GPAT4: variants seen among roughly 807,000 people sequenced by gnomAD.
The protein encoded by GPAT4 is 1-AGP acyltransferase 6.
Under a neutral mutation model 58.0 loss-of-function variants are expected in GPAT4, and 17 were observed. The observed-to-expected ratio is 0.29, with a 90% CI of 0.20 to 0.44. The LOEUF is 0.44. Ranked by LOEUF, GPAT4 falls within the 20% of genes least tolerant of loss-of-function variation. The pLI, the probability that GPAT4 is intolerant of heterozygous loss-of-function variation, is 1.00. For synonymous variants in GPAT4, 204 were observed against 210.1 expected (o/e 0.97, Z 0.25); for missense variants, 377 against 574.5 (o/e 0.66, Z 3.51).
At chr8:41,610,642 GT>G (rs757659264) in intron 4 of GPAT4, 93 bp from the exon 5 acceptor site, 5 of 1,572,790 alleles carry the variant, frequency 3.2e-6, no homozygotes, top group South Asian at 2.3e-5. Flanking sequence ...CTTGGGGGTG[GT>G]TTTTGTGATG....
chr8:41,581,947 A>T (rs1300084238), intron 1 of GPAT4, among the ~76,000 whole-genome samples: 2 of 96,916 alleles, frequency 2.1e-5, no homozygotes, highest in Non-Finnish European at 4.4e-5. Context: ...TGTTTGAATT[A>T]AAAAAAAAAA....
At chr8:41,611,372 A>G (rs1206916216) in intron 5 of GPAT4, among the ~76,000 whole-genome samples, 1 of 152,248 alleles carries the variant, frequency 6.6e-6, no homozygotes, top group Non-Finnish European at 1.5e-5. Context: ...ACAGACATGT[A>G]GAGTCCGAGA....
intron 8 of GPAT4, among the ~76,000 whole-genome samples, chr8:41,613,802 G>C (rs562923143): frequency 1.4e-3 from 218 of 152,260 alleles, no homozygotes; most frequent in African/African-American, 4.6e-3. Flanking sequence ...TGTAGTCCCA[G>C]CTACTTGGGA....
chr8:41,579,087 C>T (rs1459593809), intron 1 of GPAT4, among the ~76,000 whole-genome samples: 3 of 152,222 alleles, frequency 2.0e-5, no homozygotes, highest in African/African-American at 7.2e-5. Flanking sequence ...GATTCTATCT[C>T]AATCCAAGGG....
intron 8 of GPAT4, 149 bp downstream of exon 8, chr8:41,613,109 A>T (rs1009456130): frequency 3.2e-5 from 22 of 681,838 alleles, no homozygotes; most frequent in Middle Eastern, 4.3e-4. Context: ...ATGAAATTTT[A>T]AAAGTGGCCG....
At chr8:41,584,045 C>T (rs1802591658) in intron 1 of GPAT4, among the ~76,000 whole-genome samples, 1 of 152,128 alleles carries the variant, frequency 6.6e-6, no homozygotes, top group Non-Finnish European at 1.5e-5. Context: ...TACAGGAATG[C>T]ACCACCACGC....
At chr8:41,608,879 C>T (rs569084704) in intron 2 of GPAT4, among the ~76,000 whole-genome samples, 213 of 152,258 alleles carry the variant, frequency 1.4e-3, no homozygotes, top group Non-Finnish European at 2.2e-3. Context: ...TTAAGCCACT[C>T]CCAGGCCTTT....
chr8:41,615,977 G>A (rs562614102), intron 10 of GPAT4, among the ~76,000 whole-genome samples: 13 of 152,256 alleles, frequency 8.5e-5, no homozygotes, highest in Non-Finnish European at 1.8e-4. Context: ...AGGGATGGCA[G>A]ATGAATATTG....
intron 2 of GPAT4, among the ~76,000 whole-genome samples, chr8:41,608,578 G>A (rs1477333282): frequency 3.3e-5 from 5 of 152,232 alleles, no homozygotes; most frequent in Admixed American, 6.5e-5. Context: ...TAGGAAAAGC[G>A]TCTTTTTCCT....
intron 2 of GPAT4, among the ~76,000 whole-genome samples, chr8:41,604,494 T>C (rs945639716): frequency 6.6e-6 from 1 of 152,248 alleles, no homozygotes; most frequent in African/African-American, 2.4e-5. Context: ...GTTTTAGTGT[T>C]TGCTTAATGT....
At chr8:41,581,727 C>G (rs1273398571) in intron 1 of GPAT4, among the ~76,000 whole-genome samples, 1 of 148,312 alleles carries the variant, frequency 6.7e-6, no homozygotes, top group Non-Finnish European at 1.5e-5. Flanking sequence ...CTCCCGGGTT[C>G]ACACCATTCT....
intron 4 of GPAT4, 133 bp downstream of exon 4, chr8:41,610,088 C>T: frequency 6.8e-7 from 1 of 1,476,630 alleles, no homozygotes; most frequent in South Asian, 1.4e-5. Context: ...GGCCACGTGA[C>T]TCTTTGGAGG....
intron 1 of GPAT4, among the ~76,000 whole-genome samples, chr8:41,593,649 A>G (rs36080027): frequency 0.085 from 12,930 of 152,222 alleles, 611 homozygotes; most frequent in Middle Eastern, 0.17. Context: ...TGTGGTTAAC[A>G]GCACAAGGTA....
At chr8:41,594,769 T>A (rs892698464) in intron 1 of GPAT4, among the ~76,000 whole-genome samples, 4 of 152,096 alleles carry the variant, frequency 2.6e-5, no homozygotes, top group Admixed American at 2.6e-4. Flanking sequence ...ATGGTCTCCA[T>A]CTCCTGACCT....
chr8:41,589,858 TG>T (rs1802745499), intron 1 of GPAT4, among the ~76,000 whole-genome samples: 1 of 152,200 alleles, frequency 6.6e-6, no homozygotes, highest in South Asian at 2.1e-4. Context: ...CTCTTTCCCA[TG>T]GCAGTGCTGT....
rs1803021722 is a variant in GPAT4, at chr8:41,599,400, A to G, written c.165+96A>G. 1.1e-5 allele frequency: 16 copies of G among 1,417,442 alleles called. No homozygotes were observed. The South Asian group carries it at 1.9e-4, about 17-fold the overall frequency. The allele number at this position is 1,417,442 out of a possible 1,614,324, so 87.8% of individuals were successfully genotyped here. A position where few individuals can be genotyped will look rare whatever the true frequency, so the allele number is the denominator to read the frequency against. On this transcript the variant is annotated intron_variant, in intron 2 of 12. Transcript: ENST00000396987. Reference sequence around the variant, plus strand: ...TACAGGCCTATTATCTCTTTATTAGATAGGGAGAAAGTTGGGAGAATGGGA... The same window carrying G: ...TACAGGCCTATTATCTCTTTATTAGGTAGGGAGAAAGTTGGGAGAATGGGA...
intron 2 of GPAT4, among the ~76,000 whole-genome samples, chr8:41,604,297 C>T (rs141789246): frequency 6.6e-6 from 1 of 152,300 alleles, no homozygotes; most frequent in Non-Finnish European, 1.5e-5. Flanking sequence ...ATGACTAGTT[C>T]TCCCTATATA....
intron 1 of GPAT4, among the ~76,000 whole-genome samples, chr8:41,591,193 G>A (rs192702474): frequency 1.8e-4 from 28 of 152,170 alleles, no homozygotes; most frequent in African/African-American, 6.7e-4. Flanking sequence ...AACAGGACAG[G>A]GATTTTCACG....
rs1343293234 is a variant in GPAT4 at position 41,609,679 on chromosome 8, C to T, written c.260C>T (p.Ser87Leu). ...GGAATCATTGCAAAGGATCCCACTTCACTAGAAGAAGAGATCAAAGAGATT... is the reference window on the plus strand; with the variant it reads ...GGAATCATTGCAAAGGATCCCACTTTACTAGAAGAAGAGATCAAAGAGATT... ...TNGIIAKDPT[S>L]LEEEIKEIRR... The change falls in exon 4 of 13, where the codon TCA becomes TTA. Residue 87 changes from serine (S) to leucine (L), a missense_variant. Physicochemically the swap from Ser to Leu is moderately radical, Grantham distance 145. Transcript: ENST00000396987. 2 of 1,613,102 alleles carry T rather than the reference C, an allele frequency of 1.2e-6. No homozygotes were observed. Among genetic ancestry groups the T allele is most frequent in the Non-Finnish European group, 1.7e-6 (2 of 1,179,334 alleles).
Sources: gnomAD v4.1 joint callset for allele counts (sites outside exome capture counted in the v4.1 genomes callset) on GRCh38, gnomAD v4.1.1 for gene constraint, MANE v1.5 for transcripts, NCBI Gene and HGNC (gene_info 2026-07-23, HGNC 2026-07-21) for gene names.